EXPH5: variants seen among roughly 807,000 people sequenced by gnomAD.
EXPH5 encodes exophilin 5, also known as exophilin-5.
In EXPH5, 42 loss-of-function variants were observed where a neutral mutation model predicts 41.1. The observed-to-expected ratio is 1.02, with a 90% CI of 0.80 to 1.32. The LOEUF is 1.32. Among genes scored for constraint, EXPH5 ranks in the 40% most tolerant of loss-of-function variants. The probability of loss-of-function intolerance (pLI) is 0.00; values close to 1 mark genes in which losing one functional copy is unlikely to be tolerated. For missense variants in EXPH5, 2,298 were observed against 2,314.5 expected (o/e 0.99, Z 0.15); for synonymous variants, 798 against 833.5 (o/e 0.96, Z 0.73).
At chr11:108,528,206 A>G (rs1204721454) in intron 3 of EXPH5, 22 bp from the exon 4 acceptor site, 1 of 1,592,068 alleles carries the variant, frequency 6.3e-7, no homozygotes, top group Non-Finnish European at 8.6e-7. Flanking sequence ...ATTTGAAATG[A>G]TTTCTTTGAA....
chr11:108,543,981 C>T, intron 1 of EXPH5, among the ~76,000 whole-genome samples: 1 of 152,122 alleles, frequency 6.6e-6, no homozygotes, highest in African/African-American at 2.4e-5. Context: ...TACTAATGCC[C>T]CACATTTGTA....
In EXPH5 at chr11:108,513,311, C is replaced by T; in HGVS notation, c.2196G>A (p.Gln732=). 2 of 1,613,248 alleles carry T rather than the reference C, an allele frequency of 1.2e-6. No homozygotes were observed. Among genetic ancestry groups the T allele is most frequent in the African/African-American group, 1.3e-5 (1 of 75,002 alleles). The stretch of plus-strand genomic sequence containing the variant: ...CAGGTAAAGAGTTTGAGATCCCTGT[C>T]TGTGAAACAGGTTGGGGTATTTCAC... ...KAGEIPQPVS[Q]TGISNSLPDF... is the part of the protein sequence containing the mutation. The change falls in exon 6 of 6, where the codon CAG becomes CAA. Residue 732 remains glutamine (Q), a synonymous_variant. Coordinates refer to ENST00000265843, the MANE Select transcript of EXPH5 (RefSeq NM_015065.3).
intron 1 of EXPH5, among the ~76,000 whole-genome samples, chr11:108,591,387 A>C (rs1362364521): frequency 3.9e-5 from 6 of 152,236 alleles, no homozygotes; most frequent in Admixed American, 3.9e-4. Flanking sequence ...GTGGGTAAGC[A>C]GAACAATCCC....
chr11:108,588,972 T>A (rs372384437), intron 1 of EXPH5, among the ~76,000 whole-genome samples: 82 of 152,280 alleles, frequency 5.4e-4, no homozygotes, highest in South Asian at 5.2e-3. Context: ...TGCAGACAGC[T>A]CAGAGATCCG....
chr11:108,571,256 A>C (rs17693972), intron 1 of EXPH5, among the ~76,000 whole-genome samples: 22,386 of 152,140 alleles, frequency 0.15, 1,792 homozygotes, highest in Middle Eastern at 0.2. Context: ...GATAGACATG[A>C]CCTAATTTAT....
chr11:108,506,117 T>G lies in EXPH5; in HGVS notation c.*3420A>C, dbSNP rs957170651. 1.3e-5 allele frequency: 2 copies of G among 152,202 alleles called. No homozygotes were observed. Among genetic ancestry groups the G allele is most frequent in the Non-Finnish European group, 2.9e-5 (2 of 68,036 alleles). The allele number at this position is 152,202 out of a possible 1,614,324, so 9.4% of individuals were successfully genotyped here. ...TTTATTACGATTGATTCCCCTATGATTTACTCCATTTACATGAATGTTTAT... is the reference window on the plus strand; with the variant it reads ...TTTATTACGATTGATTCCCCTATGAGTTACTCCATTTACATGAATGTTTAT... On this transcript the variant is annotated 3_prime_UTR_variant, in exon 6 of 6. Coordinates refer to ENST00000265843, the MANE Select transcript of EXPH5 (RefSeq NM_015065.3).
At chr11:108,583,210 G>A (rs11823000) in intron 1 of EXPH5, among the ~76,000 whole-genome samples, 9,773 of 151,670 alleles carry the variant, frequency 0.064, 847 homozygotes, top group African/African-American at 0.2. Flanking sequence ...GTGAAACCCC[G>A]TCTCTACTAA....
chr11:108,533,818 T>C (rs1472795703), intron 3 of EXPH5, among the ~76,000 whole-genome samples: 1 of 152,150 alleles, frequency 6.6e-6, no homozygotes, highest in Non-Finnish European at 1.5e-5. Flanking sequence ...TTTATTGAGA[T>C]AGGGTCTTGC....
At chr11:108,516,956 A>C (rs1166341094) in intron 5 of EXPH5, among the ~76,000 whole-genome samples, 1 of 152,216 alleles carries the variant, frequency 6.6e-6, no homozygotes, top group African/African-American at 2.4e-5. Context: ...AACAAATTAT[A>C]ATGAAAATCT....
At chr11:108,606,963 C>T in the EXPH5 span, among the ~76,000 whole-genome samples, 1 of 152,080 alleles carries the variant, frequency 6.6e-6, no homozygotes, top group Admixed American at 6.5e-5. Flanking sequence ...TTCATTGTGA[C>T]CACTAAGAGT....
chr11:108,546,437 T>A (rs2093938624), intron 1 of EXPH5, among the ~76,000 whole-genome samples: 1 of 152,058 alleles, frequency 6.6e-6, no homozygotes, highest in Non-Finnish European at 1.5e-5. Flanking sequence ...GTGGAAAGTG[T>A]TCAGGGTGAC....
chr11:108,514,963 CAT>C lies in EXPH5; in HGVS notation c.632-90_632-89del, dbSNP rs907977003. The C allele has an allele frequency of 2.4e-5, 17 of 720,344 alleles. No individual in the cohort carries two copies. The African/African-American group carries it at 3.0e-4, about 13-fold the overall frequency. The allele number at this position is 720,344 out of a possible 1,614,324, so 44.6% of individuals were successfully genotyped here. On this transcript the variant is annotated intron_variant, in intron 5 of 5. Transcript: ENST00000265843. ...TTATTGAAGGCTCCTTTTCAAGAAACATAATCATTTATAATTTTATTTTTATC... is the reference window on the plus strand; with the variant it reads ...TTATTGAAGGCTCCTTTTCAAGAAACAATCATTTATAATTTTATTTTTATC...
intron 1 of EXPH5, among the ~76,000 whole-genome samples, chr11:108,544,505 C>T (rs769388110): frequency 6.6e-6 from 1 of 152,198 alleles, no homozygotes; most frequent in African/African-American, 2.4e-5. Flanking sequence ...TTCACTTAAT[C>T]GTACCTCAAG....
chr11:108,578,525 G>A (rs1370843455), intron 1 of EXPH5, among the ~76,000 whole-genome samples: 1 of 152,084 alleles, frequency 6.6e-6, no homozygotes, highest in Non-Finnish European at 1.5e-5. Flanking sequence ...TGGGTCTTTT[G>A]TGGTTCCATC....
chr11:108,510,016 T>C lies in EXPH5; in HGVS notation c.5491A>G (p.Ser1831Gly), dbSNP rs755286584. The change falls in exon 6 of 6, where the codon AGT (serine) becomes GGT (glycine). Residue 1831 changes from serine to glycine, a missense_variant. Transcript: ENST00000265843. ...SESTSIDNAL[S>G]RLTLGNEFSV... ...AATTCATTCCCAAGGGTCAGTCGACTCAGGGCATTGTCAATAGAAGTGCTT... is the reference window on the plus strand; with the variant it reads ...AATTCATTCCCAAGGGTCAGTCGACCCAGGGCATTGTCAATAGAAGTGCTT... The C allele has an allele frequency of 1.2e-6, 2 of 1,613,714 alleles. No homozygotes were observed. The highest frequency in any genetic ancestry group is 1.7e-5 in the Admixed American group (1 of 59,938).
At chr11:108,573,372 A>G (rs1453338476) in intron 1 of EXPH5, among the ~76,000 whole-genome samples, 1 of 152,168 alleles carries the variant, frequency 6.6e-6, no homozygotes, top group Non-Finnish European at 1.5e-5. Context: ...TGAATGGTCT[A>G]CCCTTGGTTG....
chr11:108,535,042 C>T (rs1454185058), intron 3 of EXPH5, among the ~76,000 whole-genome samples: 4 of 152,130 alleles, frequency 2.6e-5, no homozygotes, highest in Non-Finnish European at 2.9e-5. Flanking sequence ...GGGACAGAAG[C>T]TTGATAAATA....
At chr11:108,525,690 G>A (rs1395580135) in intron 4 of EXPH5, among the ~76,000 whole-genome samples, 1 of 152,042 alleles carries the variant, frequency 6.6e-6, no homozygotes, top group African/African-American at 2.4e-5. Context: ...TGCCAACCAA[G>A]TGATGAGAAG....
chr11:108,521,838 T>C (rs900745908), intron 4 of EXPH5, among the ~76,000 whole-genome samples: 6 of 152,208 alleles, frequency 3.9e-5, no homozygotes, highest in Non-Finnish European at 7.3e-5. Flanking sequence ...CTCTCGACCA[T>C]TTAACACCAA....
Sources: gnomAD v4.1 joint callset for allele counts (sites outside exome capture counted in the v4.1 genomes callset) on GRCh38, gnomAD v4.1.1 for gene constraint, MANE v1.5 for transcripts, NCBI Gene and HGNC (gene_info 2026-07-23, HGNC 2026-07-21) for gene names.